Variants in RP9 observed in about 807,000 individuals in gnomAD.
RP9 encodes RP9 pre-mRNA splicing factor.
RP9 carries 23 observed loss-of-function variants against 32.6 expected under a neutral mutation model. The observed-to-expected ratio is 0.71, with a 90% CI of 0.51 to 1.00. The LOEUF is 1.00. Ranked by LOEUF, RP9 falls within the 50% of genes least tolerant of loss-of-function variation. The pLI, the probability that RP9 is intolerant of heterozygous loss-of-function variation, is 0.00. For synonymous variants in RP9, 94 were observed against 103.6 expected (o/e 0.91, Z 0.56); for missense variants, 245 against 285.3 (o/e 0.86, Z 1.02).
chr7:33,098,890 A>G (rs1391543166), intron 3 of RP9, among the ~76,000 whole-genome samples: 1 of 152,226 alleles, frequency 6.6e-6, no homozygotes, highest in Non-Finnish European at 1.5e-5. Flanking sequence ...ATAATAAAGA[A>G]GACTCAAGAC....
chr7:33,100,428 T>C, intron 2 of RP9, 103 bp downstream of exon 2: 2 of 1,020,032 alleles, frequency 2.0e-6, no homozygotes, highest in Non-Finnish European at 3.1e-6. Flanking sequence ...AACAGGCTTT[T>C]GGTAAAAGGA....
At chr7:33,103,629 CAT>C (rs1490310415) in intron 1 of RP9, among the ~76,000 whole-genome samples, 1 of 151,836 alleles carries the variant, frequency 6.6e-6, no homozygotes, top group Non-Finnish European at 1.5e-5. Context: ...GCCTGGGCAA[CAT>C]AGTAAGATTC....
intron 5 of RP9, among the ~76,000 whole-genome samples, chr7:33,096,203 A>G (rs1484473083): frequency 6.6e-6 from 1 of 152,246 alleles, no homozygotes; most frequent in African/African-American, 2.4e-5. Flanking sequence ...TCACATGAAA[A>G]TATCAATTAT....
Position 33,109,099 on chromosome 7 carries a change from C to G in RP9, c.152+122G>C, listed in dbSNP as rs3750120. 9,565 of 1,338,002 alleles carry G rather than the reference C, an allele frequency of 7.1e-3. 674 individuals are homozygous for G. In the East Asian group the frequency reaches 0.2, roughly 28 times the overall value. 82.9% of individuals were successfully genotyped at this position (1,338,002 alleles called of 1,614,324 possible). Reference sequence around the variant, plus strand: ...GCCCGCACCAGGCTCCTGCCGGGCCCAGCCCCCCTGCCTGCTCGCGGGGGC... The same window carrying G: ...GCCCGCACCAGGCTCCTGCCGGGCCGAGCCCCCCTGCCTGCTCGCGGGGGC... On this transcript the variant is annotated intron_variant, in intron 1 of 5. Transcript: ENST00000297157. The surrounding 1 kb of genome is among the most constrained non-coding windows in gnomAD (Gnocchi z 4.9).
chr7:33,107,310 ATGACT>A (rs1416357566), intron 1 of RP9, among the ~76,000 whole-genome samples: 1 of 152,206 alleles, frequency 6.6e-6, no homozygotes, highest in Non-Finnish European at 1.5e-5. Flanking sequence ...GCTTGATCAC[ATGACT>A]TAACCACTGT....
At chr7:33,106,189 A>G (rs1788495755) in intron 1 of RP9, among the ~76,000 whole-genome samples, 1 of 151,940 alleles carries the variant, frequency 6.6e-6, no homozygotes, top group African/African-American at 2.4e-5. Context: ...TGTTTTTGAG[A>G]CAGGATATCA....
At chr7:33,099,720 T>A (rs2128032491) in intron 2 of RP9, among the ~76,000 whole-genome samples, 2 of 151,540 alleles carry the variant, frequency 1.3e-5, no homozygotes, top group South Asian at 4.2e-4. Flanking sequence ...GAGCTCCAAA[T>A]AAGATTCTGA....
In RP9 at chr7:33,097,345, A is replaced by G; in HGVS notation, c.331T>C (p.Tyr111His). ...KVMQCWRCKRYGHRTGDKECP... is the reference protein window; with the variant it reads ...KVMQCWRCKRHGHRTGDKECP... ...TCTTTGTCACCCGTTCGGTGACCAT[A>G]GCGTTTGCAACGCCAACCTAAAAAC... Residue 111 changes from tyrosine to histidine, a missense_variant, in exon 4 of 6, where the codon TAT (tyrosine) becomes CAT (histidine). Coordinates refer to ENST00000297157, the MANE Select transcript of RP9 (RefSeq NM_203288.2). The G allele has an allele frequency of 6.2e-7, 1 of 1,613,676 alleles. No homozygotes were observed. Among genetic ancestry groups the G allele is most frequent in the Non-Finnish European group, 8.5e-7 (1 of 1,179,590 alleles).
At chr7:33,108,387 A>G (rs1788528740) in intron 1 of RP9, among the ~76,000 whole-genome samples, 1 of 152,230 alleles carries the variant, frequency 6.6e-6, no homozygotes, top group Admixed American at 6.5e-5. Flanking sequence ...ACCATCCCCA[A>G]ACATGCCACC....
chr7:33,100,339 G>T, intron 2 of RP9, 192 bp downstream of exon 2: 1 of 648,692 alleles, frequency 1.5e-6, no homozygotes, highest in Non-Finnish European at 2.8e-6. Context: ...AGGGAAACAT[G>T]GCTGATGAAA....
At chr7:33,108,543 C>A (rs1788533289) in intron 1 of RP9, among the ~76,000 whole-genome samples, 1 of 152,208 alleles carries the variant, frequency 6.6e-6, no homozygotes. Flanking sequence ...CTGTTGTAAA[C>A]AGAAATTTAC....
chr7:33,100,181 T>C (rs1788404654), intron 2 of RP9: 1 of 370,814 alleles, frequency 2.7e-6, no homozygotes, highest in South Asian at 2.3e-5. Context: ...TCTGAGCTGC[T>C]GAGCTCAAGA....
intron 1 of RP9, among the ~76,000 whole-genome samples, chr7:33,104,492 C>A (rs937329594): frequency 2.0e-5 from 3 of 151,722 alleles, no homozygotes. Context: ...TTGGAAAAGA[C>A]TAACATTATC....
At chr7:33,106,841 G>C (rs925416166) in intron 1 of RP9, among the ~76,000 whole-genome samples, 2 of 152,028 alleles carry the variant, frequency 1.3e-5, no homozygotes, top group African/African-American at 4.8e-5. Context: ...GTACTTGGGA[G>C]GCAGAGACAG....
At chr7:33,096,747 T>C (rs1429893786) in intron 4 of RP9, among the ~76,000 whole-genome samples, 193 bp from the exon 5 acceptor site, 1 of 152,044 alleles carries the variant, frequency 6.6e-6, no homozygotes, top group Non-Finnish European at 1.5e-5. Context: ...ATTAGAAAAA[T>C]ACAGGAAATG....
chr7:33,095,687 A>G (rs915735918), intron 5 of RP9, among the ~76,000 whole-genome samples: 1 of 152,144 alleles, frequency 6.6e-6, no homozygotes, highest in African/African-American at 2.4e-5. Context: ...AGTCCTTACA[A>G]TTGTAATTTC....
In RP9 at chr7:33,095,327, T is replaced by C. The variant is rs1583998024; in HGVS notation, c.573A>G (p.Lys191=). The change falls in exon 6 of 6, where the codon AAA becomes AAG. Residue 191 remains lysine, a synonymous_variant. Transcript: ENST00000297157. ...GKEKHKKKKK[K]EKHKKRKKEK... ...CTTTCTTCCTTTTCTTATGCTTTTC[T>C]TTCTTCTTCTTTTTCTTGTGTTTCT... The C allele has an allele frequency of 2.5e-6, 4 of 1,612,248 alleles. No homozygotes were observed. Among genetic ancestry groups the C allele is most frequent in the African/African-American group, 1.3e-5 (1 of 74,694 alleles).
intron 3 of RP9, among the ~76,000 whole-genome samples, 197 bp from the exon 4 acceptor site, chr7:33,097,559 T>C (rs1788356676): frequency 6.6e-6 from 1 of 152,204 alleles, no homozygotes; most frequent in Non-Finnish European, 1.5e-5. Flanking sequence ...TCTTATACCT[T>C]TAGGAATAAT....
chr7:33,099,390 T>C lies in RP9; in HGVS notation c.230A>G (p.Asn77Ser), dbSNP rs1341958862. 4.3e-6 allele frequency: 7 copies of C among 1,613,636 alleles called. No individual in the cohort carries two copies. The highest frequency in any genetic ancestry group is 2.2e-5 in the East Asian group (1 of 44,874). The change falls in exon 3 of 6, where the codon AAT (asparagine) becomes AGT (serine). Residue 77 changes from asparagine to serine, a missense_variant. By Grantham distance (46) the Asn-to-Ser change is conservative. Coordinates refer to ENST00000297157, the MANE Select transcript of RP9 (RefSeq NM_203288.2). The stretch of plus-strand genomic sequence containing the variant: ...AGCCAGAAATTCCCTGGCGTGTTCA[T>C]TGCCTGGTACATCTGGTATGCAATC... ...PEDCIPDVPGNEHAREFLAHA... is the reference protein window; with the variant it reads ...PEDCIPDVPGSEHAREFLAHA...
Sources: gnomAD v4.1 joint callset for allele counts (sites outside exome capture counted in the v4.1 genomes callset) on GRCh38, gnomAD v4.1.1 for gene constraint, Gnocchi (gnomAD v3.1) non-coding constraint, MANE v1.5 for transcripts, NCBI Gene and HGNC (gene_info 2026-07-23, HGNC 2026-07-21) for gene names.